FUT9: variants seen among roughly 807,000 people sequenced by gnomAD.
The protein encoded by FUT9 is fucosyltransferase 9.
FUT9 carries 15 observed loss-of-function variants against 29.7 expected under a neutral mutation model. That is an observed-to-expected ratio of 0.51 (90% CI 0.34 to 0.78). The LOEUF is 0.78. FUT9 is among the 30% of genes least tolerant of loss of function. The probability of loss-of-function intolerance (pLI) is 0.01; values close to 1 mark genes in which losing one functional copy is unlikely to be tolerated. For synonymous variants in FUT9, 169 were observed against 153.7 expected, an observed-to-expected ratio of 1.10 and a Z score of -0.74; for missense variants, 319 against 425.4, an observed-to-expected ratio of 0.75 and a Z score of 2.20.
intron 1 of FUT9, among the ~76,000 whole-genome samples, chr6:96,033,956 A>T (rs1177082202): frequency 6.6e-6 from 1 of 151,512 alleles, no homozygotes; most frequent in Non-Finnish European, 1.5e-5. Context: ...AACACCCTAA[A>T]TTAAGAAAAA....
intron 2 of FUT9, among the ~76,000 whole-genome samples, chr6:96,148,474 G>A (rs768371791): frequency 9.9e-5 from 15 of 152,126 alleles, no homozygotes; most frequent in Non-Finnish European, 1.6e-4. Context: ...TTACAGTTTC[G>A]CTTTCAGTAA....
chr6:96,150,630 G>T (rs970164842), intron 2 of FUT9, among the ~76,000 whole-genome samples: 1 of 152,142 alleles, frequency 6.6e-6, no homozygotes, highest in African/African-American at 2.4e-5. Context: ...GCCAGCTCAG[G>T]CTCAACAATT....
At chr6:96,113,601 A>C (rs1771851813) in intron 1 of FUT9, among the ~76,000 whole-genome samples, 1 of 150,170 alleles carries the variant, frequency 6.7e-6, no homozygotes, top group Admixed American at 6.6e-5. Context: ...CACGCCTGTA[A>C]TCCCAGCACT....
intron 2 of FUT9, among the ~76,000 whole-genome samples, chr6:96,133,537 A>G (rs1772290642): frequency 6.6e-6 from 1 of 151,940 alleles, no homozygotes; most frequent in Non-Finnish European, 1.5e-5. Flanking sequence ...GACCAAAATT[A>G]TTTAACCACA....
intron 1 of FUT9, among the ~76,000 whole-genome samples, chr6:96,105,603 G>T (rs985556174): frequency 6.6e-6 from 1 of 152,064 alleles, no homozygotes; most frequent in African/African-American, 2.4e-5. Flanking sequence ...TAAATGAAAA[G>T]CTGTGTCTTA....
chr6:96,062,420 T>C (rs1770891594), intron 1 of FUT9, among the ~76,000 whole-genome samples: 1 of 152,120 alleles, frequency 6.6e-6, no homozygotes, highest in Non-Finnish European at 1.5e-5. Flanking sequence ...GAGTTATCTA[T>C]GTAAATAATT....
At chr6:96,038,244 G>A (rs1770397380) in intron 1 of FUT9, among the ~76,000 whole-genome samples, 6 of 152,038 alleles carry the variant, frequency 3.9e-5, no homozygotes, top group Admixed American at 3.9e-4. Context: ...GGTTCAGAAC[G>A]GTTGCACATA....
chr6:96,121,833 A>C (rs1772033966), intron 2 of FUT9, among the ~76,000 whole-genome samples: 1 of 117,898 alleles, frequency 8.5e-6, no homozygotes, highest in South Asian at 3.6e-4. Context: ...TGTGTTTGAA[A>C]TATAATCTGC....
intron 1 of FUT9, among the ~76,000 whole-genome samples, chr6:96,035,811 C>CATATAATATATTATATGTATTATATTA: frequency 1.0e-5 from 1 of 100,298 alleles, no homozygotes; most frequent in African/African-American, 3.6e-5. Flanking sequence ...TAATATAATA[C>CATATAATATATTATATGTATTATATTA]ATATAATATA....
intron 2 of FUT9, among the ~76,000 whole-genome samples, chr6:96,170,780 T>C (rs1716919056): frequency 6.6e-6 from 1 of 152,148 alleles, no homozygotes; most frequent in Non-Finnish European, 1.5e-5. Flanking sequence ...TTTTAAACCC[T>C]GGAGAATGGG....
At chr6:96,127,871 GTTGT>G (rs1182154534) in intron 2 of FUT9, among the ~76,000 whole-genome samples, 8 of 152,042 alleles carry the variant, frequency 5.3e-5, no homozygotes, top group Non-Finnish European at 8.8e-5. Flanking sequence ...TTTTAAAGGG[GTTGT>G]TTATTTTTTG....
intron 2 of FUT9, among the ~76,000 whole-genome samples, chr6:96,147,731 C>G (rs1451037015): frequency 6.6e-6 from 1 of 151,246 alleles, no homozygotes; most frequent in Non-Finnish European, 1.5e-5. Flanking sequence ...GATGAAGACC[C>G]TAGGAGTTTT....
chr6:96,208,843 AAT>A lies in FUT9; in HGVS notation c.*4612_*4613del, dbSNP rs1773881882. On this transcript the variant is annotated 3_prime_UTR_variant, in exon 3 of 3. Coordinates refer to ENST00000302103, the MANE Select transcript of FUT9 (RefSeq NM_006581.4). ...TCTATTACCAAACCACATGGAGAGA[AAT>A]ATAGTCTCTCTCCTAACTTCATTCC... 1 of 166,610 alleles carries A rather than the reference AAT, an allele frequency of 6.0e-6. No homozygotes were observed. The highest frequency in any genetic ancestry group is 6.6e-5 in the Admixed American group (1 of 15,220). 10.3% of individuals were successfully genotyped at this position (166,610 alleles called of 1,614,324 possible).
intron 2 of FUT9, among the ~76,000 whole-genome samples, chr6:96,172,843 C>A (rs1252582793): frequency 6.6e-6 from 1 of 152,052 alleles, no homozygotes; most frequent in Non-Finnish European, 1.5e-5. Context: ...TTGAAGGGAG[C>A]ACTTTATACT....
At chr6:96,104,207 A>G (rs1771637493) in intron 1 of FUT9, among the ~76,000 whole-genome samples, 1 of 152,322 alleles carries the variant, frequency 6.6e-6, no homozygotes, top group African/African-American at 2.4e-5. Context: ...ACTCAAGGCC[A>G]AGGTTATATT....
chr6:96,163,508 T>TA, intron 2 of FUT9, among the ~76,000 whole-genome samples: 1 of 152,314 alleles, frequency 6.6e-6, no homozygotes, highest in South Asian at 2.1e-4. Context: ...CAACCACTCA[T>TA]AGACTGCTAA....
At chr6:96,137,668 CT>C (rs1180085688) in intron 2 of FUT9, among the ~76,000 whole-genome samples, 2 of 151,438 alleles carry the variant, frequency 1.3e-5, no homozygotes, top group Non-Finnish European at 3.0e-5. Context: ...CTCTTTTTTT[CT>C]AGCAACACAA....
At chr6:96,063,692 TGCA>T (rs1770914682) in intron 1 of FUT9, among the ~76,000 whole-genome samples, 1 of 152,122 alleles carries the variant, frequency 6.6e-6, no homozygotes, top group Non-Finnish European at 1.5e-5. Context: ...AATGAAGCAT[TGCA>T]GGGTCATGGA....
intron 2 of FUT9, among the ~76,000 whole-genome samples, chr6:96,169,035 G>A (rs373487007): frequency 7.2e-5 from 11 of 152,160 alleles, no homozygotes; most frequent in African/African-American, 2.7e-4. Context: ...GTGGGTTGAC[G>A]TTCTGTTCTT....
Sources: gnomAD v4.1 joint callset for allele counts (sites outside exome capture counted in the v4.1 genomes callset) on GRCh38, gnomAD v4.1.1 for gene constraint, MANE v1.5 for transcripts, NCBI Gene and HGNC (gene_info 2026-07-23, HGNC 2026-07-21) for gene names.